Variants in CAMKMT observed in about 807,000 individuals in gnomAD.
The protein encoded by CAMKMT is CaM KMT.
CAMKMT carries 53 observed loss-of-function variants against 48.0 expected under a neutral mutation model. The ratio of observed to expected loss-of-function variants is 1.10; its 90% CI spans 0.89 to 1.39. CAMKMT has a LOEUF of 1.39. Among genes scored for constraint, CAMKMT ranks in the 40% most tolerant of loss-of-function variants. The probability of loss-of-function intolerance (pLI) is 0.00; values close to 1 mark genes in which losing one functional copy is unlikely to be tolerated. For synonymous variants in CAMKMT, 165 were observed against 152.3 expected, an observed-to-expected ratio of 1.08 and a Z score of -0.61; for missense variants, 428 against 402.7, an observed-to-expected ratio of 1.06 and a Z score of -0.54.
At chr2:44,768,284 A>G (rs916593750) in intron 10 of CAMKMT, among the ~76,000 whole-genome samples, 26 of 150,250 alleles carry the variant, frequency 1.7e-4, no homozygotes, top group African/African-American at 6.4e-4. Flanking sequence ...GTAGAACCCT[A>G]GGAGAATATT....
chr2:44,769,545 A>T (rs927093520), intron 10 of CAMKMT, among the ~76,000 whole-genome samples: 3 of 152,224 alleles, frequency 2.0e-5, no homozygotes, highest in African/African-American at 7.2e-5. Context: ...ATCGTTTTGT[A>T]AGGTAGAGAT....
At chr2:44,400,623 C>T (rs1682279828) in intron 3 of CAMKMT, 1 of 151,294 alleles carries the variant, frequency 6.6e-6, no homozygotes, top group Admixed American at 6.6e-5. Flanking sequence ...GGTGATAAGC[C>T]TTTTTAAAAA....
chr2:44,445,809 C>T (rs1371224688), intron 3 of CAMKMT, among the ~76,000 whole-genome samples: 19 of 151,548 alleles, frequency 1.3e-4, no homozygotes, highest in Non-Finnish European at 2.9e-5. Flanking sequence ...TTTCTAATAA[C>T]CCAGTTTGTC....
At chr2:44,611,574 G>T (rs1671601115) in intron 3 of CAMKMT, among the ~76,000 whole-genome samples, 2 of 152,270 alleles carry the variant, frequency 1.3e-5, no homozygotes, top group Admixed American at 1.3e-4. Flanking sequence ...AAGAACTCGT[G>T]TTCTGGAACA....
intron 3 of CAMKMT, chr2:44,393,671 T>G (rs1067344): frequency 0.82 from 124,648 of 152,146 alleles, 51,986 homozygotes; most frequent in African/African-American, 0.9. Context: ...TAGGGAAGAG[T>G]ATAGGATGAC....
rs570944890 is a variant in CAMKMT at position 44,695,375 on chromosome 2, A to G, written c.377-8908A>G. Reference sequence around the variant, plus strand: ...CGTCCTTCTCCTAAAAATTATTCTCACCACCTTTCCAATGAATTTCTCTCT... The same window carrying G: ...CGTCCTTCTCCTAAAAATTATTCTCGCCACCTTTCCAATGAATTTCTCTCT... On this transcript the variant is annotated intron_variant, in intron 3 of 10. Transcript: ENST00000378494. 3.7e-4 allele frequency among the ~76,000 whole-genome samples: 56 copies of G among 152,196 alleles called. No individual in the cohort carries two copies. In the South Asian group the frequency reaches 0.011, roughly 31 times the overall value.
chr2:44,754,156 A>G (rs754283351), intron 9 of CAMKMT, 38 bp downstream of exon 9: 1 of 1,458,228 alleles, frequency 6.9e-7, no homozygotes, highest in Non-Finnish European at 9.6e-7. Context: ...CACTGGCTAC[A>G]GAATAATTAG....
At chr2:44,638,440 G>T (rs1558762934) in intron 3 of CAMKMT, among the ~76,000 whole-genome samples, 2 of 152,140 alleles carry the variant, frequency 1.3e-5, no homozygotes, top group South Asian at 2.1e-4. Context: ...TTACCTTAGA[G>T]TGTCATAAAA....
chr2:44,374,906 G>A (rs1187619518), intron 2 of CAMKMT, among the ~76,000 whole-genome samples: 2 of 152,024 alleles, frequency 1.3e-5, no homozygotes, highest in African/African-American at 2.4e-5. Flanking sequence ...GAAGCAAGAC[G>A]ATCACTTGAG....
At chr2:44,688,270 C>A (rs1239386280) in intron 3 of CAMKMT, among the ~76,000 whole-genome samples, 1 of 152,132 alleles carries the variant, frequency 6.6e-6, no homozygotes, top group East Asian at 1.9e-4. Flanking sequence ...AGCAAGACCG[C>A]TGTGTTTACA....
chr2:44,617,452 A>C (rs1211095197), intron 3 of CAMKMT, among the ~76,000 whole-genome samples: 1 of 152,214 alleles, frequency 6.6e-6, no homozygotes, highest in Non-Finnish European at 1.5e-5. Flanking sequence ...AAAAAGAGTT[A>C]TCCAGTAATC....
At chr2:44,709,469 T>G (rs910853731) in intron 6 of CAMKMT, among the ~76,000 whole-genome samples, 2 of 152,164 alleles carry the variant, frequency 1.3e-5, no homozygotes, top group African/African-American at 4.8e-5. Flanking sequence ...TCTAATTTTT[T>G]TTAATTAAGA....
intron 3 of CAMKMT, among the ~76,000 whole-genome samples, chr2:44,629,433 CTTTTTTT>C (rs897761983): frequency 8.0e-6 from 1 of 125,326 alleles, no homozygotes; most frequent in Non-Finnish European, 1.7e-5. Flanking sequence ...TTCTTTCTTT[CTTTTTTT>C]TTTTTTTTTT....
At chr2:44,363,983 C>G (rs1678320337) in intron 1 of CAMKMT, among the ~76,000 whole-genome samples, 1 of 150,238 alleles carries the variant, frequency 6.7e-6, no homozygotes, top group African/African-American at 2.4e-5. Flanking sequence ...AGCCACCATG[C>G]CTGCCACGCC....
intron 3 of CAMKMT, among the ~76,000 whole-genome samples, chr2:44,691,215 G>A (rs1334468589): frequency 1.3e-5 from 2 of 152,140 alleles, no homozygotes; most frequent in African/African-American, 2.4e-5. Flanking sequence ...GGCTATGACC[G>A]CCGTGCATTT....
At chr2:44,392,296 C>T (rs1681420920) in intron 3 of CAMKMT, among the ~76,000 whole-genome samples, 1 of 152,034 alleles carries the variant, frequency 6.6e-6, no homozygotes, top group Non-Finnish European at 1.5e-5. Flanking sequence ...AATAAGACCT[C>T]TTAAAATATG....
intron 3 of CAMKMT, among the ~76,000 whole-genome samples, chr2:44,614,352 C>T (rs1010973136): frequency 6.6e-5 from 10 of 152,242 alleles, no homozygotes; most frequent in South Asian, 4.2e-4. Context: ...GTGAGAATGA[C>T]GGAGAAGTAA....
intron 3 of CAMKMT, among the ~76,000 whole-genome samples, chr2:44,601,474 TAATA>T (rs1558736365): frequency 6.6e-6 from 1 of 151,850 alleles, no homozygotes; most frequent in African/African-American, 2.4e-5. Context: ...TAATGATAAT[TAATA>T]AATAAATAAT....
chr2:44,710,446 A>G (rs2104289452), intron 6 of CAMKMT, among the ~76,000 whole-genome samples: 1 of 152,206 alleles, frequency 6.6e-6, no homozygotes, highest in African/African-American at 2.4e-5. Flanking sequence ...TTGATCCTTA[A>G]ACTGCATTGC....
Sources: allele counts gnomAD v4.1 joint callset (sites outside exome capture counted in the v4.1 genomes callset), GRCh38; gene constraint gnomAD v4.1.1; transcripts MANE v1.5; gene names NCBI Gene and HGNC (gene_info 2026-07-23, HGNC 2026-07-21).